Variants in CNTNAP2 observed in about 807,000 individuals in gnomAD.
CNTNAP2 encodes contactin associated protein 2.
CNTNAP2 carries 98 observed loss-of-function variants against 155.2 expected under a neutral mutation model. The ratio of observed to expected loss-of-function variants is 0.63; its 90% CI spans 0.54 to 0.75. CNTNAP2 has a LOEUF of 0.75. CNTNAP2 is among the 30% of genes least tolerant of loss of function. CNTNAP2 has a pLI of 0.00. For synonymous variants in CNTNAP2, 651 were observed against 631.2 expected, an observed-to-expected ratio of 1.03 and a Z score of -0.47; for missense variants, 1,727 against 1,688.1, an observed-to-expected ratio of 1.02 and a Z score of -0.40.
chr7:146,239,347 A>T (rs913072481), intron 1 of CNTNAP2, among the ~76,000 whole-genome samples: 1 of 152,166 alleles, frequency 6.6e-6, no homozygotes, highest in Admixed American at 6.5e-5. Flanking sequence ...CGTGGATAAA[A>T]AGCAAAGTTT....
chr7:147,462,769 TTTTG>T lies in CNTNAP2; in HGVS notation c.1671-23151_1671-23148del, dbSNP rs1250061861. Among the ~76,000 whole-genome samples, 6 of 152,270 alleles carry T rather than the reference TTTTG, an allele frequency of 3.9e-5. No individual in the cohort carries two copies. The East Asian group carries it at 5.8e-4, about 15-fold the overall frequency. On this transcript the variant is annotated intron_variant, in intron 10 of 23. Transcript: ENST00000361727. ...ACAATATTGTGTAATCAATGGGATT[TTTTG>T]TTTGTTTGTTTGTTGGTTTTTTTGA...
chr7:146,411,930 T>C (rs190903448), intron 1 of CNTNAP2, among the ~76,000 whole-genome samples: 1 of 151,816 alleles, frequency 6.6e-6, no homozygotes, highest in African/African-American at 2.4e-5. Flanking sequence ...TCCGCCTCCC[T>C]GGTTCAAGTG....
intron 1 of CNTNAP2, among the ~76,000 whole-genome samples, chr7:146,516,944 A>G (rs902350328): frequency 3.9e-5 from 6 of 152,052 alleles, no homozygotes; most frequent in Non-Finnish European, 5.9e-5. Context: ...TACATATTAC[A>G]GTAGTCCTCC....
At chr7:147,187,616 C>T (rs189683544) in intron 8 of CNTNAP2, among the ~76,000 whole-genome samples, 39 of 152,136 alleles carry the variant, frequency 2.6e-4, no homozygotes, top group Admixed American at 1.7e-3. Flanking sequence ...CAGAGAGAGA[C>T]GGATTGGGGC....
At chr7:147,546,134 G>T (rs951298568) in intron 11 of CNTNAP2, among the ~76,000 whole-genome samples, 1 of 152,054 alleles carries the variant, frequency 6.6e-6, no homozygotes, top group African/African-American at 2.4e-5. Flanking sequence ...AATCACATTT[G>T]CTAATGTCTC....
intron 1 of CNTNAP2, among the ~76,000 whole-genome samples, chr7:146,617,718 A>G (rs780527660): frequency 1.3e-5 from 2 of 152,222 alleles, no homozygotes; most frequent in Non-Finnish European, 2.9e-5. Flanking sequence ...ATTTCAAGAA[A>G]TGTAGAATTT....
At chr7:147,220,462 C>T (rs991622998) in intron 8 of CNTNAP2, among the ~76,000 whole-genome samples, 1 of 152,126 alleles carries the variant, frequency 6.6e-6, no homozygotes, top group African/African-American at 2.4e-5. Flanking sequence ...TGCATTTAGA[C>T]AATTGATGTT....
chr7:147,941,104 G>A (rs1018262817), intron 14 of CNTNAP2, among the ~76,000 whole-genome samples: 1 of 152,146 alleles, frequency 6.6e-6, no homozygotes, highest in Non-Finnish European at 1.5e-5. Context: ...ACAGTCTGGC[G>A]CTGAGAGTAG....
At chr7:146,528,754 A>G (rs1426871432) in intron 1 of CNTNAP2, among the ~76,000 whole-genome samples, 1 of 152,154 alleles carries the variant, frequency 6.6e-6, no homozygotes, top group African/African-American at 2.4e-5. Context: ...GAGTAGCCAC[A>G]TTGTTTCATA....
intron 12 of CNTNAP2, among the ~76,000 whole-genome samples, chr7:147,570,075 CA>C (rs1800255073): frequency 6.6e-6 from 1 of 152,226 alleles, no homozygotes; most frequent in African/African-American, 2.4e-5. Flanking sequence ...ACTCGCTTTC[CA>C]GCGCTGACCT....
intron 15 of CNTNAP2, among the ~76,000 whole-genome samples, chr7:148,027,791 G>A (rs559079535): frequency 3.9e-5 from 6 of 152,246 alleles, no homozygotes; most frequent in Non-Finnish European, 7.4e-5. Context: ...TCGTGAAAGA[G>A]TTGACTGCTT....
At chr7:147,366,783 A>G (rs1048052820) in intron 9 of CNTNAP2, among the ~76,000 whole-genome samples, 1 of 107,530 alleles carries the variant, frequency 9.3e-6, no homozygotes, top group Non-Finnish European at 1.8e-5. Context: ...TGTTGCACGC[A>G]CACACACACA....
In CNTNAP2 at chr7:146,617,657, T is replaced by A. The variant is rs151157380; in HGVS notation, c.98-156614T>A. On this transcript the variant is annotated intron_variant, in intron 1 of 23. Transcript: ENST00000361727. Reference sequence around the variant, plus strand: ...TACGTTTTTGGCCAATTAAAATTGATACATCAAATGTTAGAAAAAACTGAA... The same window carrying A: ...TACGTTTTTGGCCAATTAAAATTGAAACATCAAATGTTAGAAAAAACTGAA... Among the ~76,000 whole-genome samples the A allele has an allele frequency of 6.5e-3, 991 of 152,326 alleles. 8 individuals carry two copies. Among genetic ancestry groups the A allele is most frequent in the African/African-American group, 0.023 (946 of 41,562 alleles).
chr7:146,157,710 C>G (rs1798149860), intron 1 of CNTNAP2, among the ~76,000 whole-genome samples: 1 of 152,168 alleles, frequency 6.6e-6, no homozygotes, highest in Admixed American at 6.5e-5. Context: ...ACTGCTGAGG[C>G]TTGAGTAGGT....
chr7:147,398,255 T>G (rs1023650186), intron 10 of CNTNAP2, among the ~76,000 whole-genome samples: 1 of 152,066 alleles, frequency 6.6e-6, no homozygotes, highest in Non-Finnish European at 1.5e-5. Context: ...CATCTCTGCT[T>G]CTTTCTCCTC....
intron 21 of CNTNAP2, among the ~76,000 whole-genome samples, chr7:148,271,175 C>T (rs1245436140): frequency 1.3e-5 from 2 of 152,186 alleles, no homozygotes; most frequent in Non-Finnish European, 2.9e-5. Context: ...ATACTGTCTG[C>T]GTTTCTCACA....
chr7:146,424,625 T>G (rs1443669107), intron 1 of CNTNAP2, among the ~76,000 whole-genome samples: 1 of 152,216 alleles, frequency 6.6e-6, no homozygotes, highest in Non-Finnish European at 1.5e-5. Context: ...AATGGACTCC[T>G]ATTATCATTT....
chr7:147,864,634 G>A (rs1404581206), intron 13 of CNTNAP2, among the ~76,000 whole-genome samples: 1 of 152,058 alleles, frequency 6.6e-6, no homozygotes, highest in Non-Finnish European at 1.5e-5. Context: ...TCCTTGAAGA[G>A]GTCCTTCACA....
chr7:148,223,055 T>C (rs1795781428), intron 19 of CNTNAP2, among the ~76,000 whole-genome samples: 1 of 152,202 alleles, frequency 6.6e-6, no homozygotes, highest in African/African-American at 2.4e-5. Flanking sequence ...CTAACGCATA[T>C]TCAGCAACCC....
Sources: gnomAD v4.1 joint callset for allele counts (sites outside exome capture counted in the v4.1 genomes callset) on GRCh38, gnomAD v4.1.1 for gene constraint, MANE v1.5 for transcripts, NCBI Gene and HGNC (gene_info 2026-07-23, HGNC 2026-07-21) for gene names.